Variants in PPM1L observed in about 807,000 individuals in gnomAD.
PPM1L encodes the protein protein phosphatase 1L.
Under a neutral mutation model 31.4 loss-of-function variants are expected in PPM1L, and 13 were observed. The ratio of observed to expected loss-of-function variants is 0.41; its 90% CI spans 0.27 to 0.66. The LOEUF is 0.66. PPM1L is among the 30% of genes least tolerant of loss of function. The pLI is 0.29. For synonymous variants in PPM1L, 184 were observed against 175.4 expected (o/e 1.05, Z -0.39); for missense variants, 326 against 453.7 (o/e 0.72, Z 2.56).
At chr3:160,976,788 C>T (rs528191472) in intron 2 of PPM1L, among the ~76,000 whole-genome samples, 9 of 152,158 alleles carry the variant, frequency 5.9e-5, no homozygotes, top group East Asian at 1.9e-4. Flanking sequence ...AGTCTGCTAG[C>T]GGTCTATCAG....
chr3:161,068,724 G>T, intron 3 of PPM1L, 87 bp from the exon 4 acceptor site: 1 of 1,091,190 alleles, frequency 9.2e-7, no homozygotes, highest in Non-Finnish European at 1.3e-6. Flanking sequence ...ACATGAAGTA[G>T]GTCACCCTGT....
intron 2 of PPM1L, chr3:161,036,023 A>G (rs1233445442): frequency 1.3e-5 from 2 of 152,242 alleles, no homozygotes; most frequent in African/African-American, 4.8e-5. Context: ...AAATCAAGCC[A>G]TGACTCAGAT....
Position 160,782,179 on chromosome 3 carries a change from C to T in PPM1L, c.399+25472C>T, listed in dbSNP as rs149384633. Among the ~76,000 whole-genome samples the T allele has an allele frequency of 9.9e-4, 150 of 150,880 alleles. 2 individuals carry two copies. Among genetic ancestry groups the T allele is most frequent in the African/African-American group, 3.2e-3 (131 of 40,986 alleles). On this transcript the variant is annotated intron_variant, in intron 1 of 3. Transcript: ENST00000498165. ...CCCTATTCTGTTTGTTTTTTTTTTG[C>T]CAAATAAATGTTGTCATGATTATCT...
chr3:160,838,011 T>C (rs563506801), intron 1 of PPM1L, among the ~76,000 whole-genome samples: 5 of 152,272 alleles, frequency 3.3e-5, no homozygotes, highest in Non-Finnish European at 5.9e-5. Context: ...TTTAGGTTCA[T>C]GGGGTAGAAC....
chr3:160,773,027 G>A (rs1476171695), intron 1 of PPM1L, among the ~76,000 whole-genome samples: 1 of 152,162 alleles, frequency 6.6e-6, no homozygotes. Flanking sequence ...ACAAGCCTTT[G>A]TATGGACATA....
At chr3:160,916,475 A>C (rs1040243344) in intron 1 of PPM1L, among the ~76,000 whole-genome samples, 5 of 152,160 alleles carry the variant, frequency 3.3e-5, no homozygotes, top group African/African-American at 1.2e-4. Flanking sequence ...TAGATGCTAA[A>C]ATGTAACACA....
At chr3:160,847,945 C>T (rs936408817) in intron 1 of PPM1L, among the ~76,000 whole-genome samples, 3 of 152,114 alleles carry the variant, frequency 2.0e-5, no homozygotes, top group African/African-American at 7.2e-5. Flanking sequence ...GTTTCTGACT[C>T]TGTCCTCTGT....
chr3:160,804,269 C>T (rs1455797831), intron 1 of PPM1L, among the ~76,000 whole-genome samples: 1 of 152,040 alleles, frequency 6.6e-6, no homozygotes, highest in African/African-American at 2.4e-5. Flanking sequence ...AAAAAACCTC[C>T]TCCCTGTCAA....
At position 160,979,184 on chromosome 3, in the gene PPM1L, G is replaced by A. The variant is rs975842004; in HGVS notation, c.574+17274G>A. 5.3e-5 allele frequency among the ~76,000 whole-genome samples: 8 copies of A among 152,160 alleles called. No individual in the cohort carries two copies. In the East Asian group the frequency reaches 1.4e-3, roughly 26 times the overall value. ...CCCTTCAACCTGAGTAGCATGGTGA[G>A]ATGTAACATTCAAATTGGGGTTTAT... On this transcript the variant is annotated intron_variant, in intron 2 of 3. Coordinates refer to ENST00000498165, the MANE Select transcript of PPM1L (RefSeq NM_139245.4).
At chr3:160,923,497 T>G (rs557420912) in intron 1 of PPM1L, among the ~76,000 whole-genome samples, 1 of 152,204 alleles carries the variant, frequency 6.6e-6, no homozygotes, top group Admixed American at 6.5e-5. Flanking sequence ...TTTAGGCCAT[T>G]GAGTGGCATA....
chr3:160,872,282 G>A (rs1204065413), intron 1 of PPM1L, among the ~76,000 whole-genome samples: 1 of 152,170 alleles, frequency 6.6e-6, no homozygotes, highest in Non-Finnish European at 1.5e-5. Context: ...CAATTCTTAG[G>A]TATCATTGAC....
intron 1 of PPM1L, among the ~76,000 whole-genome samples, chr3:160,824,219 C>T (rs1408996394): frequency 6.6e-6 from 1 of 151,934 alleles, no homozygotes; most frequent in East Asian, 1.9e-4. Context: ...TGCTTTCTGC[C>T]ATGAGAGGAT....
chr3:160,792,059 C>T (rs1292852786), intron 1 of PPM1L, among the ~76,000 whole-genome samples: 1 of 152,038 alleles, frequency 6.6e-6, no homozygotes, highest in South Asian at 2.1e-4. Context: ...TGGTAATAGT[C>T]TAATGTCAGC....
chr3:160,777,941 A>G (rs1042205933), intron 1 of PPM1L, among the ~76,000 whole-genome samples: 2 of 152,222 alleles, frequency 1.3e-5, no homozygotes, highest in Admixed American at 6.5e-5. Flanking sequence ...AGAAACTGCC[A>G]TACTGTTTTC....
intron 2 of PPM1L, among the ~76,000 whole-genome samples, chr3:161,026,047 A>C (rs1473906794): frequency 6.6e-6 from 1 of 152,200 alleles, no homozygotes; most frequent in Non-Finnish European, 1.5e-5. Context: ...TATAATTAAG[A>C]CTAGTTTTGC....
chr3:160,861,923 G>C (rs1711906012), intron 1 of PPM1L, among the ~76,000 whole-genome samples: 1 of 152,108 alleles, frequency 6.6e-6, no homozygotes, highest in South Asian at 2.1e-4. Flanking sequence ...TGATATTCCT[G>C]CTTCTTTCTC....
intron 1 of PPM1L, among the ~76,000 whole-genome samples, chr3:160,767,364 G>T (rs1280164306): frequency 6.6e-6 from 1 of 151,906 alleles, no homozygotes; most frequent in Non-Finnish European, 1.5e-5. Context: ...CTCCCAAGTA[G>T]CTGGGACTAC....
intron 1 of PPM1L, among the ~76,000 whole-genome samples, chr3:160,898,894 T>G (rs1713436623): frequency 6.6e-6 from 1 of 152,158 alleles, no homozygotes; most frequent in Non-Finnish European, 1.5e-5. Flanking sequence ...GTTAACATGC[T>G]CAAGATTATA....
At chr3:161,022,194 C>T in intron 2 of PPM1L, 2 of 668,676 alleles carry the variant, frequency 3.0e-6, no homozygotes, top group South Asian at 1.7e-5. Context: ...CAAGTAACAC[C>T]TTAGCTTCAA....
Sources: allele counts gnomAD v4.1 joint callset (sites outside exome capture counted in the v4.1 genomes callset), GRCh38; gene constraint gnomAD v4.1.1; transcripts MANE v1.5; gene names NCBI Gene and HGNC (gene_info 2026-07-23, HGNC 2026-07-21).